Variants in ADPRHL1 observed in about 807,000 individuals in gnomAD.
ADPRHL1 encodes the protein ADP-ribosylhydrolase like 1.
ADPRHL1 carries 43 observed loss-of-function variants against 44.1 expected under a neutral mutation model. That is an observed-to-expected ratio of 0.98 (90% CI 0.76 to 1.26). The LOEUF is 1.26. ADPRHL1 is among the 50% of genes most tolerant of loss of function. The pLI, the probability that ADPRHL1 is intolerant of heterozygous loss-of-function variation, is 0.00. For synonymous variants in ADPRHL1, 878 were observed against 1,017.4 expected (o/e 0.86, Z 2.61); for missense variants, 2,022 against 2,496.9 (o/e 0.81, Z 4.05).
chr13:113,433,582 C>A (rs966305201), intron 3 of ADPRHL1, among the ~76,000 whole-genome samples, 160 bp downstream of exon 3: 3 of 152,184 alleles, frequency 2.0e-5, no homozygotes, highest in African/African-American at 4.8e-5. Flanking sequence ...AGCAGGCAGC[C>A]GGCAGGTGCA....
intron 2 of ADPRHL1, among the ~76,000 whole-genome samples, chr13:113,435,175 T>C (rs1189339306): frequency 1.7e-4 from 5 of 29,152 alleles, no homozygotes; most frequent in Admixed American, 4.3e-4. Flanking sequence ...AGGTGTACCC[T>C]GTGACCCAGC....
In ADPRHL1 at chr13:113,448,822, T is replaced by C. The variant is rs117791612; in HGVS notation, c.215-4233A>G. Among the ~76,000 whole-genome samples, 122 of 152,376 alleles carry C rather than the reference T, an allele frequency of 8.0e-4. 3 individuals are homozygous for C. The East Asian group carries it at 0.019, about 24-fold the overall frequency. On this transcript the variant is annotated intron_variant, in intron 1 of 7. Transcript: ENST00000612156. ...AAGTGCTTCCTCACACTTTGCTGGT[T>C]GCTCCGTTTAATCCTCTGTGACCTT...
Position 113,409,389 on chromosome 13 carries a change from A to G in ADPRHL1, c.1062-1169T>C, listed in dbSNP as rs576066972. ...ATTCATTCTAAGGAGATCATCAGGG[A>G]TGAGGAACAAAGACTCGAGTATTAC... On this transcript the variant is annotated intron_variant, in intron 7 of 7. Coordinates refer to ENST00000612156, the MANE Select transcript of ADPRHL1 (RefSeq NM_001394807.1). This position sits in a 1 kb window ranked among gnomAD's most constrained non-coding sequence, Gnocchi z 4.2. 1.0e-5 allele frequency: 10 copies of G among 985,394 alleles called. No homozygotes were observed. The highest frequency in any genetic ancestry group is 1.2e-5 in the Non-Finnish European group (10 of 829,920). 61.0% of individuals were successfully genotyped at this position (985,394 alleles called of 1,614,324 possible). A position where few individuals can be genotyped will look rare whatever the true frequency, so the allele number is the denominator to read the frequency against.
In ADPRHL1 at chr13:113,407,960, C is replaced by T. The variant is rs879923317; in HGVS notation, c.1322G>A (p.Arg441Gln). 104 of 1,232,054 alleles carry T rather than the reference C, an allele frequency of 8.4e-5. No individual in the cohort carries two copies. The Admixed American group carries it at 1.1e-3, about 13-fold the overall frequency. 76.3% of individuals were successfully genotyped at this position (1,232,054 alleles called of 1,614,324 possible). A position where few individuals can be genotyped will look rare whatever the true frequency, so the allele number is the denominator to read the frequency against. ...LLQAKFLGTG[R>Q]ERYLKRTREV... ...CCTGGTCCTCTTGAGGTAGCGCTCC[C>T]GGCCAGTGCCCAGGAACTTGGCCTG... is the stretch of plus-strand genomic sequence containing the variant. Residue 441 changes from arginine (R) to glutamine (Q), a missense_variant, in exon 8 of 8, where the codon CGG becomes CAG. Transcript: ENST00000612156.
chr13:113,403,200 G>T lies in ADPRHL1; in HGVS notation c.*178C>A, dbSNP rs890622123. The T allele has an allele frequency of 7.6e-6, 4 of 523,462 alleles. No homozygotes were observed. The highest frequency in any genetic ancestry group is 2.0e-5 in the African/African-American group (1 of 50,716). The allele number at this position is 523,462 out of a possible 1,614,324, so 32.4% of individuals were successfully genotyped here. ...TGGCTCTGTGGGGTGACAGGAACCCGACCCACATGTAGCTCAATCCTCCCA... is the reference window on the plus strand; with the variant it reads ...TGGCTCTGTGGGGTGACAGGAACCCTACCCACATGTAGCTCAATCCTCCCA... On this transcript the variant is annotated 3_prime_UTR_variant, in exon 8 of 8. Transcript: ENST00000612156.
chr13:113,428,008 G>A (rs1406666478), intron 4 of ADPRHL1, among the ~76,000 whole-genome samples: 50 of 152,258 alleles, frequency 3.3e-4, no homozygotes, highest in Admixed American at 3.2e-3. Flanking sequence ...GCTCATGCCT[G>A]TAATCCCAGC....
chr13:113,412,349 T>C (rs565735452), intron 7 of ADPRHL1, among the ~76,000 whole-genome samples: 24 of 152,250 alleles, frequency 1.6e-4, no homozygotes, highest in African/African-American at 5.8e-4. Context: ...GGCTAATTTT[T>C]TGTATTTTTT....
intron 7 of ADPRHL1, among the ~76,000 whole-genome samples, chr13:113,414,721 G>T (rs1381766093): frequency 1.3e-5 from 2 of 151,224 alleles, no homozygotes; most frequent in African/African-American, 4.9e-5. Flanking sequence ...TGTCACTCAG[G>T]CTGGAGTGCA....
In ADPRHL1 at chr13:113,409,329, C is replaced by T. The variant is rs1029298125; in HGVS notation, c.1062-1109G>A. ...TCCCCAGATGATAATTTTGGGTAGACGCACCCAGAATCTTAGCTGTCACAC... is the reference window on the plus strand; with the variant it reads ...TCCCCAGATGATAATTTTGGGTAGATGCACCCAGAATCTTAGCTGTCACAC... On this transcript the variant is annotated intron_variant, in intron 7 of 7. Transcript: ENST00000612156. This position sits in a 1 kb window ranked among gnomAD's most constrained non-coding sequence, Gnocchi z 4.2. 26 of 985,224 alleles carry T rather than the reference C, an allele frequency of 2.6e-5. No individual in the cohort carries two copies. The South Asian group carries it at 5.6e-4, about 21-fold the overall frequency. 61.0% of individuals were successfully genotyped at this position (985,224 alleles called of 1,614,324 possible).
At chr13:113,413,481 C>T (rs2043870611) in intron 7 of ADPRHL1, among the ~76,000 whole-genome samples, 1 of 152,206 alleles carries the variant, frequency 6.6e-6, no homozygotes, top group South Asian at 2.1e-4. Context: ...GAGAGGGGGG[C>T]CCAGGACTTT....
intron 7 of ADPRHL1, among the ~76,000 whole-genome samples, chr13:113,412,315 C>T (rs1182004794): frequency 2.0e-5 from 3 of 152,182 alleles, no homozygotes; most frequent in African/African-American, 7.2e-5. Flanking sequence ...GTAGCTGGGA[C>T]TACAGGCGCC....
At chr13:113,412,696 G>A (rs1014008046) in intron 7 of ADPRHL1, among the ~76,000 whole-genome samples, 7 of 151,122 alleles carry the variant, frequency 4.6e-5, no homozygotes, top group South Asian at 2.1e-4. Context: ...TTCACCCACC[G>A]CCAACAGTGC....
intron 7 of ADPRHL1, among the ~76,000 whole-genome samples, chr13:113,419,097 C>CCCTCCCTCCCTCCCTTCCTT (rs2043902822): frequency 2.3e-4 from 1 of 4,422 alleles, no homozygotes; most frequent in African/African-American, 7.3e-4. Flanking sequence ...TTCCCTCCCT[C>CCCTCCCTCCCTCCCTTCCTT]CCTTTCTTTT....
intron 1 of ADPRHL1, among the ~76,000 whole-genome samples, chr13:113,446,422 C>G (rs2044138386): frequency 6.6e-6 from 1 of 152,210 alleles, no homozygotes. Context: ...GTTCCCTGAC[C>G]CGGCCCAGCA....
rs976118070 is a variant in ADPRHL1 at position 113,407,735 on chromosome 13, T to G, written c.1547A>C (p.Glu516Ala). 3 of 1,232,092 alleles carry G rather than the reference T, an allele frequency of 2.4e-6. No individual in the cohort carries two copies. Among genetic ancestry groups the G allele is most frequent in the Non-Finnish European group, 2.0e-6 (2 of 988,028 alleles). The allele number at this position is 1,232,092 out of a possible 1,614,324, so 76.3% of individuals were successfully genotyped here. ...CTCGCGTGCTTCTTTCTCCTTCGCC[T>G]CCTTCTCCTCGGCGGCCAAGAATAT... ...LKIFLAAEEKEAKEKEAREKP... is the reference protein window; with the variant it reads ...LKIFLAAEEKAAKEKEAREKP... Residue 516 changes from glutamate to alanine, a missense_variant, in exon 8 of 8, where the codon GAG (glutamate) becomes GCG (alanine). Glu to Ala is a moderately radical substitution (Grantham distance 107). Around this residue, in one of 8 missense-constraint regions of ADPRHL1, gnomAD observed 1,221 missense variants for 1,517.8 expected, o/e 0.80. Coordinates refer to ENST00000612156, the MANE Select transcript of ADPRHL1 (RefSeq NM_001394807.1).
Position 113,425,337 on chromosome 13 carries a change from G to C in ADPRHL1, c.647-158C>G, listed in dbSNP as rs572864030. Among the ~76,000 whole-genome samples the C allele has an allele frequency of 2.0e-5, 3 of 152,308 alleles. No individual in the cohort carries two copies. The East Asian group carries it at 5.8e-4, about 29-fold the overall frequency. ...AGGCATGTGGAGAAGCCGAGCACCTGTCCTGGAGTAAACAACTGAGAGACT... is the reference window on the plus strand; with the variant it reads ...AGGCATGTGGAGAAGCCGAGCACCTCTCCTGGAGTAAACAACTGAGAGACT... On this transcript the variant is annotated intron_variant, in intron 4 of 7. Transcript: ENST00000612156.
At chr13:113,444,382 C>G (rs1251039613) in intron 2 of ADPRHL1, 43 bp downstream of exon 2, 1 of 1,602,266 alleles carries the variant, frequency 6.2e-7, no homozygotes, top group Admixed American at 1.7e-5. Context: ...CGCAGGGTCC[C>G]CAGCAGGGTG....
At position 113,403,146 on chromosome 13, in the gene ADPRHL1, G is replaced by T; in HGVS notation, c.*232C>A. On this transcript the variant is annotated 3_prime_UTR_variant, in exon 8 of 8. Coordinates refer to ENST00000612156, the MANE Select transcript of ADPRHL1 (RefSeq NM_001394807.1). ...ATCCCGAGGGCCTGGTGAGGCCACA[G>T]GCCCGCACCTCCCACCCCCATGGCC... 2.8e-6 allele frequency: 1 copy of T among 363,174 alleles called. No individual in the cohort carries two copies. The highest frequency in any genetic ancestry group is 4.9e-6 in the Non-Finnish European group (1 of 205,264). 22.5% of individuals were successfully genotyped at this position (363,174 alleles called of 1,614,324 possible). A position where few individuals can be genotyped will look rare whatever the true frequency, so the allele number is the denominator to read the frequency against.
At chr13:113,419,264 C>T (rs1005819479) in intron 7 of ADPRHL1, among the ~76,000 whole-genome samples, 2 of 137,266 alleles carry the variant, frequency 1.5e-5, no homozygotes, top group Admixed American at 7.6e-5. Context: ...CAACACCATA[C>T]CCAGCTAATT....
Sources: allele counts gnomAD v4.1 joint callset (sites outside exome capture counted in the v4.1 genomes callset), GRCh38; gene constraint gnomAD v4.1.1; regional missense constraint gnomAD v4.1.1; non-coding constraint Gnocchi (gnomAD v3.1); transcripts MANE v1.5; gene names NCBI Gene and HGNC (gene_info 2026-07-23, HGNC 2026-07-21).